The following KMT2D variants were observed in gnomAD, a reference collection of about 807,000 sequenced individuals.
KMT2D encodes lysine methyltransferase 2D, also known as histone-lysine N-methyltransferase 2D.
Under a neutral mutation model 512.7 loss-of-function variants are expected in KMT2D, and 55 were observed. The observed-to-expected ratio is 0.11, with a 90% CI of 0.09 to 0.13. KMT2D has a LOEUF of 0.13. KMT2D is among the 10% of genes least tolerant of loss of function. KMT2D has a pLI of 1.00. For missense variants in KMT2D, 6,061 were observed against 7,127.9 expected (o/e 0.85, Z 5.39); for synonymous variants, 2,995 against 2,904.0 (o/e 1.03, Z -1.01).
At chr12:49,052,878 C>G (rs1282203245) in intron 9 of KMT2D, 37 bp downstream of exon 9, 1 of 1,609,998 alleles carries the variant, frequency 6.2e-7, no homozygotes, top group East Asian at 2.2e-5. Flanking sequence ...GTTCTTCCAA[C>G]CTGCCAGCCC....
chr12:49,052,809 C>A, intron 9 of KMT2D, 100 bp from the exon 10 acceptor site: 1 of 1,579,344 alleles, frequency 6.3e-7, no homozygotes, highest in Non-Finnish European at 8.7e-7. Flanking sequence ...ATGGCACTGC[C>A]CACCTTAGGG....
Position 49,038,591 on chromosome 12 carries a change from C to T in KMT2D, c.8765G>A (p.Arg2922Gln), listed in dbSNP as rs757791539. ...GGGAAGACCTGATACCGCCAGGCCC[C>T]GAAGCCCTTCAGGAGCCAGTCGGTG... ...DPHRLAPEGL[R>Q]GLAVSGLPPQ... The change falls in exon 35 of 55, where the codon CGG becomes CAG. Residue 2922 changes from arginine to glutamine, a missense_variant. By Grantham distance (43) the Arg-to-Gln change is conservative (BLOSUM62 1). This residue lies in a region of KMT2D where 527 missense variants were observed against 578.9 expected (regional missense o/e 0.91). Coordinates refer to ENST00000301067, the MANE Select transcript of KMT2D (RefSeq NM_003482.4). This position sits in a 1 kb window ranked among gnomAD's most constrained non-coding sequence, Gnocchi z 5.7. 1.2e-5 allele frequency: 20 copies of T among 1,612,520 alleles called. No individual in the cohort carries two copies. Among genetic ancestry groups the T allele is most frequent in the African/African-American group, 4.0e-5 (3 of 74,878 alleles).
chr12:49,051,336 G>A lies in KMT2D; in HGVS notation c.2347C>T (p.Pro783Ser), dbSNP rs1490672245. Residue 783 changes from proline (P) to serine (S), a missense_variant, in exon 11 of 55, where the codon CCT (proline) becomes TCT (serine). Transcript: ENST00000301067. ...TGGGGGGACAAGTGTGGCTCCTCAGGCACAGCGCATAGGCATGGCTCCTCA... is the reference window on the plus strand; with the variant it reads ...TGGGGGGACAAGTGTGGCTCCTCAGACACAGCGCATAGGCATGGCTCCTCA... ...QPEEPCLCAV[P>S]EEPHLSPQAE... 2 of 1,598,326 alleles carry A rather than the reference G, an allele frequency of 1.3e-6. No homozygotes were observed. Among genetic ancestry groups the A allele is most frequent in the East Asian group, 2.2e-5 (1 of 44,572 alleles).
In KMT2D at chr12:49,032,492, C is replaced by T; in HGVS notation, c.12213G>A (p.Gly4071=). ...GTTGGACAAGCAGGAGTTGTGAGTCCCCAGAGAGTGAGGGCTTTACCTCTC... is the reference window on the plus strand; with the variant it reads ...GTTGGACAAGCAGGAGTTGTGAGTCTCCAGAGAGTGAGGGCTTTACCTCTC... ...EPGEVKPSLS[G]DSQLLLVQPQ... The change falls in exon 40 of 55, where the codon GGG becomes GGA. Residue 4071 remains glycine, a synonymous_variant. Coordinates refer to ENST00000301067, the MANE Select transcript of KMT2D (RefSeq NM_003482.4). 2 of 1,571,052 alleles carry T rather than the reference C, an allele frequency of 1.3e-6. No homozygotes were observed. The highest frequency in any genetic ancestry group is 8.6e-7 in the Non-Finnish European group (1 of 1,157,948).
In KMT2D at chr12:49,033,405, T is replaced by C; in HGVS notation, c.11300A>G (p.Gln3767Arg). The C allele has an allele frequency of 1.3e-6, 2 of 1,574,282 alleles. No homozygotes were observed. The highest frequency in any genetic ancestry group is 4.7e-5 in the East Asian group (2 of 42,486). The change falls in exon 40 of 55, where the codon CAA (glutamine) becomes CGA (arginine). Residue 3767 changes from glutamine (Q) to arginine (R), a missense_variant. Physicochemically the swap from Gln to Arg is conservative, Grantham distance 43 (BLOSUM62 1). Coordinates refer to ENST00000301067, the MANE Select transcript of KMT2D (RefSeq NM_003482.4). ...QQQGPGVQTN[Q>R]ALGPKPQGLM... ...GCCCTGGGGCTTGGGACCCAGAGCT[T>C]GGTTTGTCTGTACTCCAGGACCCTG...
intron 48 of KMT2D, among the ~76,000 whole-genome samples, chr12:49,027,581 C>G (rs990899372): frequency 3.3e-5 from 5 of 152,102 alleles, no homozygotes; most frequent in Non-Finnish European, 5.9e-5. Context: ...TTTCGAGTAG[C>G]TGGGATTACA....
Position 49,040,392 on chromosome 12 carries a change from G to A in KMT2D, c.7378C>T (p.Arg2460Cys), listed in dbSNP as rs570260017. Residue 2460 changes from arginine (R) to cysteine (C), a missense_variant, in exon 32 of 55, where the codon CGT (arginine) becomes TGT (cysteine). Around this residue, in one of 16 missense-constraint regions of KMT2D, gnomAD observed 710 missense variants for 647.3 expected, o/e 1.10. Transcript: ENST00000301067. ...YSRPPSRPQS[R>C]DPFAPLHKPP... ...TTATGCAATGGGGCAAATGGGTCAC[G>A]GGACTGAGGGCGTGAGGGTGGGCGA... 1.7e-5 allele frequency: 27 copies of A among 1,564,900 alleles called. No individual in the cohort carries two copies. The highest frequency in any genetic ancestry group is 1.7e-4 in the Middle Eastern group (1 of 5,806).
chr12:49,051,985 T>C lies in KMT2D; in HGVS notation c.1698A>G (p.Pro566=). The C allele has an allele frequency of 1.2e-6, 2 of 1,611,012 alleles. No homozygotes were observed. Among genetic ancestry groups the C allele is most frequent in the East Asian group, 2.2e-5 (1 of 44,728 alleles). ...PPPEELPTSP[P]PEASRLSPPP... Reference sequence around the variant, plus strand: ...GTGGAGACAGGCGAGATGCTTCAGGTGGCGGGGAAGTGGGCAATTCCTCAG... The same window carrying C: ...GTGGAGACAGGCGAGATGCTTCAGGCGGCGGGGAAGTGGGCAATTCCTCAG... The change falls in exon 11 of 55, where the codon CCA becomes CCG. Residue 566 remains proline (P), a synonymous_variant. Transcript: ENST00000301067.
At position 49,039,632 on chromosome 12, in the gene KMT2D, G is replaced by A. The variant is rs202244933; in HGVS notation, c.8047-15C>T. The A allele has an allele frequency of 2.0e-3, 3,238 of 1,604,800 alleles. 64 individuals are homozygous for A. The African/African-American group carries it at 0.036, about 18-fold the overall frequency. On this transcript the variant is annotated splice_polypyrimidine_tract_variant and intron_variant, in intron 32 of 54. Coordinates refer to ENST00000301067, the MANE Select transcript of KMT2D (RefSeq NM_003482.4). This position sits in a 1 kb window ranked among gnomAD's most constrained non-coding sequence, Gnocchi z 5.0. ...AGTCGCTGGCGCTATGCAAAAAAAA[G>A]AGAAGAGGAATAAGCCCATTCTACT...
chr12:49,030,420 G>A lies in KMT2D; in HGVS notation c.13859C>T (p.Pro4620Leu), dbSNP rs769173788. 13 of 1,310,156 alleles carry A rather than the reference G, an allele frequency of 9.9e-6. No homozygotes were observed. Among genetic ancestry groups the A allele is most frequent in the South Asian group, 4.8e-5 (4 of 83,650 alleles). 81.2% of individuals were successfully genotyped at this position (1,310,156 alleles called of 1,614,324 possible). Residue 4620 changes from proline to leucine, a missense_variant, in exon 43 of 55, where the codon CCG (proline) becomes CTG (leucine). By Grantham distance (98) the Pro-to-Leu change is moderately conservative (BLOSUM62 -3). Coordinates refer to ENST00000301067, the MANE Select transcript of KMT2D (RefSeq NM_003482.4). ...GGGGGGCAGCGACGAGGGTGGTGTC[G>A]GCGGGTTACTCAGGTTATTCTGAGG... ...LLTKNNLSNP[P>L]TPPSSLPPTP...
In KMT2D at chr12:49,060,590, C is replaced by T. The variant is rs989096636; in HGVS notation, c.-1015G>A. On this transcript the variant is annotated 5_prime_UTR_variant, in exon 1 of 55. Transcript: ENST00000301067. ...GAAAGTAGTGCAGCGCGGCGCCGCT[C>T]CGCCTCCCCCCCTCCGCCTCCTGTT... Among the ~76,000 whole-genome samples, 4 of 152,204 alleles carry T rather than the reference C, an allele frequency of 2.6e-5. No individual in the cohort carries two copies. The highest frequency in any genetic ancestry group is 4.4e-5 in the Non-Finnish European group (3 of 68,014).
chr12:49,025,614 T>TTA (rs1460067590), intron 49 of KMT2D, among the ~76,000 whole-genome samples: 4 of 152,240 alleles, frequency 2.6e-5, no homozygotes, highest in Non-Finnish European at 1.5e-5. Context: ...ATCCCTGTCA[T>TTA]TTAGCAATGC....
chr12:49,019,835 C>T lies in KMT2D; in HGVS notation c.*1945G>A, dbSNP rs1942219574. Reference sequence around the variant, plus strand: ...TCTCCCTACCCCCAACAATCCACAACCCCCCAAATTCAAAACAAAACAAAA... The same window carrying T: ...TCTCCCTACCCCCAACAATCCACAATCCCCCAAATTCAAAACAAAACAAAA... On this transcript the variant is annotated 3_prime_UTR_variant, in exon 55 of 55. Transcript: ENST00000301067. 2 of 186,230 alleles carry T rather than the reference C, an allele frequency of 1.1e-5. No homozygotes were observed. The highest frequency in any genetic ancestry group is 8.7e-5 in the East Asian group (1 of 11,524). The allele number at this position is 186,230 out of a possible 1,614,324, so 11.5% of individuals were successfully genotyped here.
rs2120571965 is a variant in KMT2D at position 49,043,691 on chromosome 12, G to A, written c.5411C>T (p.Pro1804Leu). Residue 1804 changes from proline to leucine, a missense_variant, in exon 24 of 55, where the codon CCA becomes CTA. By Grantham distance (98) the Pro-to-Leu change is moderately conservative. This residue lies in a region of KMT2D where 640 missense variants were observed against 814.3 expected (regional missense o/e 0.79). Coordinates refer to ENST00000301067, the MANE Select transcript of KMT2D (RefSeq NM_003482.4). Reference protein sequence around the residue: ...VGRPSFGLGTPKAKGDGGSER... With the variant: ...VGRPSFGLGTLKAKGDGGSER... ...TGAGCCTCCATCTCCCTTGGCTTTT[G>A]GGGTCCCTAGTCCAAAGCTTGGCCG... 1.2e-6 allele frequency: 2 copies of A among 1,614,000 alleles called. No homozygotes were observed. The highest frequency in any genetic ancestry group is 2.2e-5 in the East Asian group (1 of 44,876).
chr12:49,028,428 A>G (rs771500236), intron 46 of KMT2D, among the ~76,000 whole-genome samples: 53 of 152,348 alleles, frequency 3.5e-4, no homozygotes, highest in Non-Finnish European at 7.1e-4. Context: ...GCAAATTAAA[A>G]GGACCTGAGG....
chr12:49,040,817 C>G lies in KMT2D; in HGVS notation c.6953G>C (p.Gly2318Ala). 1 of 1,613,674 alleles carries G rather than the reference C, an allele frequency of 6.2e-7. No individual in the cohort carries two copies. The highest frequency in any genetic ancestry group is 1.1e-5 in the South Asian group (1 of 91,076). ...GACATCAGGTGTCTTTAACTCCAGG[C>G]CACCCAGGTGGGTGCCTGAGGAGGG... ...DSPSSGTHLG[G>A]LELKTPDVFK... is the part of the protein sequence containing the mutation. Residue 2318 changes from glycine to alanine, a missense_variant, in exon 32 of 55, where the codon GGC becomes GCC. Around this residue, in one of 16 missense-constraint regions of KMT2D, gnomAD observed 710 missense variants for 647.3 expected, o/e 1.10. Coordinates refer to ENST00000301067, the MANE Select transcript of KMT2D (RefSeq NM_003482.4).
In KMT2D at chr12:49,024,037, C is replaced by T. The variant is rs1942450027; in HGVS notation, c.16052+541G>A. On this transcript the variant is annotated intron_variant, in intron 51 of 54. Coordinates refer to ENST00000301067, the MANE Select transcript of KMT2D (RefSeq NM_003482.4). This position sits in a 1 kb window ranked among gnomAD's most constrained non-coding sequence, Gnocchi z 4.5. ...CTCAGCTGTAAAATGGGGGTCATAC[C>T]ACCTGCCCTACCTACCTCATAAGGT... 2.2e-6 allele frequency: 1 copy of T among 453,140 alleles called. No individual in the cohort carries two copies. The highest frequency in any genetic ancestry group is 4.4e-6 in the Non-Finnish European group (1 of 226,150). The allele number at this position is 453,140 out of a possible 1,614,324, so 28.1% of individuals were successfully genotyped here.
chr12:49,040,061 G>A lies in KMT2D; in HGVS notation c.7709C>T (p.Pro2570Leu), dbSNP rs2120521611. Residue 2570 changes from proline to leucine, a missense_variant, in exon 32 of 55, where the codon CCC becomes CTC. Pro to Leu is a moderately conservative substitution (Grantham distance 98). Coordinates refer to ENST00000301067, the MANE Select transcript of KMT2D (RefSeq NM_003482.4). ...TGTGCTTTGAGGCTTGCCCAAGGTG[G>A]GGCCGGGCCCAAAATGGCTGTTGAT... ...HGINSHFGPGPTLGKPQSTNY... is the reference protein window; with the variant it reads ...HGINSHFGPGLTLGKPQSTNY... 3 of 1,613,980 alleles carry A rather than the reference G, an allele frequency of 1.9e-6. No homozygotes were observed. The South Asian group carries it at 3.3e-5, about 18-fold the overall frequency.
rs758743247 is a variant in KMT2D at position 49,041,262 on chromosome 12, G to T, written c.6508C>A (p.Gln2170Lys). The change falls in exon 32 of 55, where the codon CAA becomes AAA. Residue 2170 changes from glutamine (Q) to lysine (K), a missense_variant. Around this residue, in one of 16 missense-constraint regions of KMT2D, gnomAD observed 710 missense variants for 647.3 expected, o/e 1.10. Coordinates refer to ENST00000301067, the MANE Select transcript of KMT2D (RefSeq NM_003482.4). This position sits in a 1 kb window ranked among gnomAD's most constrained non-coding sequence, Gnocchi z 5.4. ...FLKLPPQVPA[Q>K]VPSQDPFGLA... ...CCAAAGGGGTCCTGCGAAGGCACTT[G>T]GGCGGGCACCTGGGGTGGGAGCTTG... 1.3e-6 allele frequency: 2 copies of T among 1,518,058 alleles called. No homozygotes were observed. Among genetic ancestry groups the T allele is most frequent in the South Asian group, 1.3e-5 (1 of 75,156 alleles). The allele number at this position is 1,518,058 out of a possible 1,614,324, so 94.0% of individuals were successfully genotyped here.
Sources: gnomAD v4.1 joint callset for allele counts (sites outside exome capture counted in the v4.1 genomes callset) on GRCh38, gnomAD v4.1.1 for gene constraint, gnomAD v4.1.1 regional missense constraint, Gnocchi (gnomAD v3.1) non-coding constraint, MANE v1.5 for transcripts, NCBI Gene and HGNC (gene_info 2026-07-23, HGNC 2026-07-21) for gene names.